ABCA1: variants seen among roughly 807,000 people sequenced by gnomAD.
ABCA1 encodes ATP binding cassette subfamily A member 1.
ABCA1 carries 133 observed loss-of-function variants against 262.5 expected under a neutral mutation model. The ratio of observed to expected loss-of-function variants is 0.51; its 90% confidence interval spans 0.44 to 0.59. The LOEUF is 0.59. Ranked by LOEUF, ABCA1 falls within the 20% of genes least tolerant of loss-of-function variation. The probability of loss-of-function intolerance (pLI) is 0.00; values close to 1 mark genes in which losing one functional copy is unlikely to be tolerated. For missense variants in ABCA1, 2,452 were observed against 2,777.5 expected (o/e 0.88, Z 2.63); for synonymous variants, 1,022 against 1,043.5 (o/e 0.98, Z 0.40).
chr9:104,785,822 C>T (rs1440703141), intron 48 of ABCA1, among the ~76,000 whole-genome samples, 183 bp from the exon 49 acceptor site: 1 of 152,200 alleles, frequency 6.6e-6, no homozygotes, highest in Admixed American at 6.5e-5. Flanking sequence ...AAGCACCATG[C>T]CATGTGCTGT....
At chr9:104,823,819 G>C (rs1183632826) in intron 18 of ABCA1, among the ~76,000 whole-genome samples, 1 of 152,118 alleles carries the variant, frequency 6.6e-6, no homozygotes, top group Non-Finnish European at 1.5e-5. Context: ...AGGAACAGCA[G>C]GCAAGCGTGC....
intron 5 of ABCA1, among the ~76,000 whole-genome samples, chr9:104,880,947 G>A (rs1483992507): frequency 1.3e-5 from 2 of 152,022 alleles, no homozygotes; most frequent in Admixed American, 6.5e-5. Context: ...TTAGGAGATC[G>A]AGACCATCCT....
intron 6 of ABCA1, among the ~76,000 whole-genome samples, chr9:104,861,209 C>T (rs1377234482): frequency 5.9e-5 from 9 of 152,176 alleles, no homozygotes; most frequent in Non-Finnish European, 1.2e-4. Context: ...AAGCAAGCAA[C>T]AGTTCTCAAC....
In ABCA1 at chr9:104,845,543, G is replaced by GAAGGGAGAC; in HGVS notation, c.746_747insGTCTCCCTT (p.Pro248_Phe249insLeuSerPro). ...TGGCTTCAGCCAGCTCCTTGCTCGG[G>GAAGGGAGAC]AAGGGAGATGTAGAGTTTAGTGTTC... On this transcript the variant is annotated inframe_insertion, in exon 8 of 50. Coordinates refer to ENST00000374736, the MANE Select transcript of ABCA1 (RefSeq NM_005502.4). 6.2e-7 allele frequency: 1 copy of GAAGGGAGAC among 1,613,828 alleles called. No homozygotes were observed. Among genetic ancestry groups the GAAGGGAGAC allele is most frequent in the Non-Finnish European group, 8.5e-7 (1 of 1,179,752 alleles).
At chr9:104,791,563 A>C (rs1311626619) in intron 43 of ABCA1, among the ~76,000 whole-genome samples, 4 of 152,128 alleles carry the variant, frequency 2.6e-5, no homozygotes, top group Non-Finnish European at 5.9e-5. Context: ...AGTAGCTGGG[A>C]CTACAGGAAT....
chr9:104,868,114 CT>C (rs1450938857), intron 5 of ABCA1, among the ~76,000 whole-genome samples: 2 of 152,154 alleles, frequency 1.3e-5, no homozygotes, highest in African/African-American at 4.8e-5. Flanking sequence ...TAATACAGCA[CT>C]TTGGGAGGCC....
At chr9:104,911,705 C>A (rs189447779) in intron 1 of ABCA1, among the ~76,000 whole-genome samples, 4 of 152,258 alleles carry the variant, frequency 2.6e-5, no homozygotes, top group Admixed American at 6.5e-5. Context: ...AACCACAGTT[C>A]CAGGGAAACT....
At chr9:104,837,600 G>A (rs1168789337) in intron 9 of ABCA1, 33 bp from the exon 10 acceptor site, 2 of 1,611,930 alleles carry the variant, frequency 1.2e-6, no homozygotes, top group African/African-American at 2.7e-5. Context: ...ATGCTCATAT[G>A]CATGGTCATA....
chr9:104,840,139 T>C, intron 9 of ABCA1, 140 bp downstream of exon 9: 3 of 1,445,936 alleles, frequency 2.1e-6, no homozygotes, highest in Middle Eastern at 2.5e-4. Context: ...CTCTCTCCTC[T>C]AGGAAGAGCT....
At chr9:104,821,638 C>T (rs1040627691) in intron 19 of ABCA1, 132 bp from the exon 20 acceptor site, 2 of 1,041,130 alleles carry the variant, frequency 1.9e-6, no homozygotes, top group Admixed American at 4.3e-5. Flanking sequence ...TGAACCCTAC[C>T]AGACCCACAC....
At chr9:104,875,039 CG>C (rs1362252039) in intron 5 of ABCA1, among the ~76,000 whole-genome samples, 14 of 151,700 alleles carry the variant, frequency 9.2e-5, no homozygotes, top group African/African-American at 3.4e-4. Flanking sequence ...GCAGTTTTGT[CG>C]AATAGAAAAG....
At position 104,858,527 on chromosome 9, in the gene ABCA1, T is replaced by C. The variant is rs768487263; in HGVS notation, c.715A>G (p.Ile239Val). Residue 239 changes from isoleucine (I) to valine (V), a missense_variant, in exon 7 of 50, where the codon ATC becomes GTC. Ile to Val is a conservative substitution (Grantham distance 29). Coordinates refer to ENST00000374736, the MANE Select transcript of ABCA1 (RefSeq NM_005502.4). ...LRSNMDILKP[I>V]LRTLNSTSPF... is the part of the protein sequence containing the mutation. ...CAGTGAGCAAGTCTACTCACCAGGA[T>C]TGGCTTCAGGATGTCCATGTTGGAA... 3.1e-6 allele frequency: 5 copies of C among 1,613,800 alleles called. No homozygotes were observed. The highest frequency in any genetic ancestry group is 1.7e-5 in the Admixed American group (1 of 60,026).
chr9:104,925,332 T>C (rs1842367562), intron 1 of ABCA1, among the ~76,000 whole-genome samples: 1 of 146,586 alleles, frequency 6.8e-6, no homozygotes, highest in South Asian at 2.2e-4. Flanking sequence ...AGCCATATCG[T>C]GCCACTGCAC....
At chr9:104,882,056 A>AAAAAAAAAAAAAAC (rs910844455) in intron 5 of ABCA1, among the ~76,000 whole-genome samples, 1 of 144,538 alleles carries the variant, frequency 6.9e-6, no homozygotes, top group Non-Finnish European at 1.5e-5. Flanking sequence ...AAAAAAAAAA[A>AAAAAAAAAAAAAAC]ACTCAAATCT....
In ABCA1 at chr9:104,840,432, A is replaced by G; in HGVS notation, c.901T>C (p.Tyr301His). ...CAGACAATACGAGACACAGCCTGGT[A>G]GATTTGGGTGGAGGAGCTGGAGCTG... ...VNSSSSSTQI[Y>H]QAVSRIVCGH... Residue 301 changes from tyrosine to histidine, a missense_variant, in exon 9 of 50, where the codon TAC (tyrosine) becomes CAC (histidine). Physicochemically the swap from Tyr to His is moderately conservative, Grantham distance 83. Coordinates refer to ENST00000374736, the MANE Select transcript of ABCA1 (RefSeq NM_005502.4). 6.2e-7 allele frequency: 1 copy of G among 1,614,130 alleles called. No individual in the cohort carries two copies. Among genetic ancestry groups the G allele is most frequent in the Non-Finnish European group, 8.5e-7 (1 of 1,180,026 alleles).
chr9:104,898,270 A>AG (rs971904485), intron 2 of ABCA1, among the ~76,000 whole-genome samples: 1 of 151,934 alleles, frequency 6.6e-6, no homozygotes, highest in Admixed American at 6.6e-5. Flanking sequence ...TTAAATTCTC[A>AG]GGGGGCACTG....
chr9:104,907,750 A>G (rs1459078800), intron 1 of ABCA1, among the ~76,000 whole-genome samples: 1 of 152,232 alleles, frequency 6.6e-6, no homozygotes, highest in Non-Finnish European at 1.5e-5. Flanking sequence ...TGCCAGCTTT[A>G]GCTAAGGACT....
intron 5 of ABCA1, among the ~76,000 whole-genome samples, chr9:104,874,870 G>A (rs1430261396): frequency 7.1e-6 from 1 of 140,826 alleles, no homozygotes; most frequent in African/African-American, 3.2e-5. Flanking sequence ...GGAGGGAGGT[G>A]GGGGGCAGCC....
chr9:104,824,819 A>T (rs990305277), intron 17 of ABCA1, among the ~76,000 whole-genome samples: 2 of 152,218 alleles, frequency 1.3e-5, no homozygotes. Context: ...GAGATGAGGA[A>T]ACTGAGGGAT....
Sources: allele counts gnomAD v4.1 joint callset (sites outside exome capture counted in the v4.1 genomes callset), GRCh38; gene constraint gnomAD v4.1.1; transcripts MANE v1.5; gene names NCBI Gene and HGNC (gene_info 2026-07-23, HGNC 2026-07-21).